ZNF469: variants seen among roughly 807,000 people sequenced by gnomAD.
ZNF469 encodes zinc finger protein 469.
ZNF469 carries 1 observed loss-of-function variant against 1.0 expected under a neutral mutation model. The ratio of observed to expected loss-of-function variants is 1.00; its 90% CI spans 0.35 to 4.73. The LOEUF is 4.73. Ranked by LOEUF, ZNF469 falls within the 30% of genes most tolerant of loss-of-function variation. ZNF469 has a pLI of 0.16. For missense variants in ZNF469, 6,100 were observed against 5,356.3 expected, an observed-to-expected ratio of 1.14 and a Z score of -4.33; for synonymous variants, 2,703 against 2,363.4, an observed-to-expected ratio of 1.14 and a Z score of -4.17.
chr16:88,433,083 G>A lies in ZNF469; in HGVS notation c.5613G>A (p.Arg1871=). The change falls in exon 3 of 3, where the codon AGG becomes AGA. Residue 1871 remains arginine (R), a synonymous_variant. Transcript: ENST00000565624. ...GASSLTAPRG[R]EAWLVPVPSP... ...CCTCACTGACTGCCCCCCGGGGCAG[G>A]GAGGCTTGGTTGGTCCCTGTGCCAA... 1.3e-6 allele frequency: 2 copies of A among 1,550,322 alleles called. No homozygotes were observed. The highest frequency in any genetic ancestry group is 8.7e-7 in the Non-Finnish European group (1 of 1,146,966).
the ZNF469 span, among the ~76,000 whole-genome samples, chr16:88,280,983 C>T: frequency 1.3e-5 from 2 of 152,180 alleles, no homozygotes; most frequent in South Asian, 2.1e-4. Flanking sequence ...CACACCGATG[C>T]TTGGTCAGTA....
At chr16:88,381,585 T>G (rs776598751), upstream of ZNF469, among the ~76,000 whole-genome samples, 5 of 152,246 alleles carry the variant, frequency 3.3e-5, no homozygotes, top group Non-Finnish European at 7.3e-5. Context: ...AAATCCTGAT[T>G]AACTCGAGAG....
the ZNF469 span, among the ~76,000 whole-genome samples, chr16:88,371,389 T>C: frequency 6.6e-6 from 1 of 152,258 alleles, no homozygotes; most frequent in African/African-American, 2.4e-5. Flanking sequence ...ACATAGGACG[T>C]GACAATTGAC....
the ZNF469 span, among the ~76,000 whole-genome samples, chr16:88,250,531 TGG>T: frequency 1.3e-5 from 2 of 152,234 alleles, no homozygotes; most frequent in Non-Finnish European, 2.9e-5. Flanking sequence ...GCACCAAATC[TGG>T]GAAGTTTTAT....
the ZNF469 span, among the ~76,000 whole-genome samples, chr16:88,207,897 G>A: frequency 3.3e-5 from 5 of 152,098 alleles, no homozygotes; most frequent in African/African-American, 4.8e-5. Flanking sequence ...ATATGAAGAC[G>A]CGGTCACAGG....
the ZNF469 span, among the ~76,000 whole-genome samples, chr16:88,358,398 T>A: frequency 6.6e-6 from 1 of 152,184 alleles, no homozygotes; most frequent in Non-Finnish European, 1.5e-5. Context: ...TTTCCTGTAT[T>A]GCAGGATCAT....
intron 1 of ZNF469, among the ~76,000 whole-genome samples, chr16:88,416,454 A>G (rs1166538751): frequency 6.6e-6 from 1 of 152,160 alleles, no homozygotes; most frequent in Non-Finnish European, 1.5e-5. Flanking sequence ...CACCCAGACC[A>G]GCTTCACACT....
chr16:88,132,507 C>T, the ZNF469 span, among the ~76,000 whole-genome samples: 5,036 of 151,876 alleles, frequency 0.033, no homozygotes, highest in African/African-American at 0.11. Context: ...AACACGTGGC[C>T]GTCCAGTGTC....
chr16:88,250,671 T>C, the ZNF469 span, among the ~76,000 whole-genome samples: 3 of 152,212 alleles, frequency 2.0e-5, no homozygotes, highest in Non-Finnish European at 4.4e-5. Flanking sequence ...TTTTCAATAA[T>C]GTTTTCTCCA....
At chr16:88,165,138 G>A in the ZNF469 span, among the ~76,000 whole-genome samples, 1 of 152,250 alleles carries the variant, frequency 6.6e-6, no homozygotes, top group Non-Finnish European at 1.5e-5. Context: ...CAGCCCGAAG[G>A]TAGAGGCAGC....
the ZNF469 span, among the ~76,000 whole-genome samples, chr16:88,274,572 G>A: frequency 4.1e-3 from 628 of 152,334 alleles, 4 homozygotes; most frequent in African/African-American, 0.011. Flanking sequence ...CGGGGCCCCC[G>A]GGGAGGGCAG....
the ZNF469 span, among the ~76,000 whole-genome samples, chr16:88,113,020 C>A: frequency 6.6e-6 from 1 of 152,170 alleles, no homozygotes; most frequent in East Asian, 1.9e-4. Flanking sequence ...CCTCGTGATC[C>A]ACCCGCCTTG....
At chr16:88,294,344 C>G in the ZNF469 span, among the ~76,000 whole-genome samples, 29 of 152,236 alleles carry the variant, frequency 1.9e-4, no homozygotes, top group Admixed American at 2.0e-4. Flanking sequence ...CCCGCTCCTT[C>G]CTTACTTCCT....
chr16:88,368,739 T>C, the ZNF469 span, among the ~76,000 whole-genome samples: 1 of 151,920 alleles, frequency 6.6e-6, no homozygotes, highest in Non-Finnish European at 1.5e-5. Flanking sequence ...TGGGAAAGTG[T>C]GGCCTGGGAG....
chr16:88,276,278 C>T, the ZNF469 span, among the ~76,000 whole-genome samples: 2 of 152,020 alleles, frequency 1.3e-5, no homozygotes, highest in African/African-American at 2.4e-5. Context: ...CAAGCACACT[C>T]GCTGGATATG....
chr16:88,338,398 G>A, the ZNF469 span, among the ~76,000 whole-genome samples: 1 of 152,234 alleles, frequency 6.6e-6, no homozygotes, highest in Non-Finnish European at 1.5e-5. Flanking sequence ...TGACTCTCCA[G>A]GCTGATCATC....
At chr16:88,375,988 T>G in the ZNF469 span, among the ~76,000 whole-genome samples, 1 of 152,236 alleles carries the variant, frequency 6.6e-6, no homozygotes, top group African/African-American at 2.4e-5. Flanking sequence ...CTTGCCACAT[T>G]TTTTTCTAGA....
Position 88,430,973 on chromosome 16 carries a change from G to A in ZNF469, c.3503G>A (p.Ser1168Asn). 6.5e-7 allele frequency: 1 copy of A among 1,538,012 alleles called. No homozygotes were observed. The highest frequency in any genetic ancestry group is 8.7e-7 in the Non-Finnish European group (1 of 1,145,514). Residue 1168 changes from serine to asparagine, a missense_variant, in exon 3 of 3, where the codon AGC becomes AAC. By Grantham distance (46) the Ser-to-Asn change is conservative. Coordinates refer to ENST00000565624, the MANE Select transcript of ZNF469 (RefSeq NM_001367624.2). ...PGGSRPGPGR[S>N]PQARGPSRSL... Reference sequence around the variant, plus strand: ...GGGTCTCGCCCGGGCCCCGGCAGGAGCCCTCAGGCCCGTGGCCCGTCTCGA... The same window carrying A: ...GGGTCTCGCCCGGGCCCCGGCAGGAACCCTCAGGCCCGTGGCCCGTCTCGA...
intron 1 of ZNF469, among the ~76,000 whole-genome samples, chr16:88,385,087 C>G (rs972058954): frequency 6.6e-6 from 1 of 152,204 alleles, no homozygotes; most frequent in African/African-American, 2.4e-5. Flanking sequence ...TCTGACTTGA[C>G]ATTCCTGGTC....
Sources: gnomAD v4.1 joint callset for allele counts (sites outside exome capture counted in the v4.1 genomes callset) on GRCh38, gnomAD v4.1.1 for gene constraint, MANE v1.5 for transcripts, NCBI Gene and HGNC (gene_info 2026-07-23, HGNC 2026-07-21) for gene names.